Variants in PDK2 observed in about 807,000 individuals in gnomAD.
PDK2 encodes pyruvate dehydrogenase kinase 2, also known as pyruvate dehydrogenase kinase, isozyme 2.
A neutral mutation model predicts 50.4 loss-of-function variants in PDK2; 34 were observed. That is an observed-to-expected ratio of 0.68 (90% confidence interval 0.51 to 0.90). The LOEUF is 0.90. Ranked by LOEUF, PDK2 falls within the 40% of genes least tolerant of loss-of-function variation. The pLI is 0.00. For synonymous variants in PDK2, 232 were observed against 216.0 expected (o/e 1.07, Z -0.65); for missense variants, 377 against 544.5 (o/e 0.69, Z 3.06).
intron 4 of PDK2, 35 bp downstream of exon 4, chr17:50,106,104 TG>T (rs752067708): frequency 2.6e-5 from 41 of 1,555,372 alleles, no homozygotes; most frequent in East Asian, 1.7e-4. Context: ...GAGCGGGCGG[TG>T]GGGGGGGCGG....
rs1321523864 is a variant in PDK2 at position 50,095,392 on chromosome 17, C to T, written c.-44C>T. 3 of 1,430,978 alleles carry T rather than the reference C, an allele frequency of 2.1e-6. No homozygotes were observed. Among genetic ancestry groups the T allele is most frequent in the Non-Finnish European group, 2.9e-6 (3 of 1,029,288 alleles). The allele number at this position is 1,430,978 out of a possible 1,614,324, so 88.6% of individuals were successfully genotyped here. On this transcript the variant is annotated 5_prime_UTR_variant, in exon 1 of 11. Transcript: ENST00000503176. Reference sequence around the variant, plus strand: ...CGCTGGGCCGAAAGGTGCGCGAGCGCTGCCCGCGCGGGGACCACAACCAAA... The same window carrying T: ...CGCTGGGCCGAAAGGTGCGCGAGCGTTGCCCGCGCGGGGACCACAACCAAA...
At chr17:50,095,966 C>A in intron 1 of PDK2, 1 of 507,274 alleles carries the variant, frequency 2.0e-6, no homozygotes, top group Non-Finnish European at 2.6e-6. Flanking sequence ...AGTGAGGAGG[C>A]AGGGTTTAGA....
At chr17:50,102,328 A>G (rs9909693) in intron 2 of PDK2, among the ~76,000 whole-genome samples, 7,889 of 152,230 alleles carry the variant, frequency 0.052, 229 homozygotes, top group African/African-American at 0.086. Context: ...GCTCCACTTC[A>G]GTGGCCACGT....
At position 50,095,362 on chromosome 17, in the gene PDK2, C is replaced by T; in HGVS notation, c.-74C>T. On this transcript the variant is annotated 5_prime_UTR_variant, in exon 1 of 11. Coordinates refer to ENST00000503176, the MANE Select transcript of PDK2 (RefSeq NM_002611.5). The stretch of plus-strand genomic sequence containing the variant: ...AAGGGTAGGGAGGAGGCGGCCGAAC[C>T]GCGTCGCTGGGCCGAAAGGTGCGCG... The T allele has an allele frequency of 2.7e-6, 3 of 1,107,132 alleles. No individual in the cohort carries two copies. The highest frequency in any genetic ancestry group is 1.3e-6 in the Non-Finnish European group (1 of 762,130). The allele number at this position is 1,107,132 out of a possible 1,614,324, so 68.6% of individuals were successfully genotyped here.
In PDK2 at chr17:50,095,549, C is replaced by T. The variant is rs200906356; in HGVS notation, c.114C>T (p.Asp38=). ...CGCTGTCCATGAAGCAGTTTCTGGA[C>T]TTCGGTACGGAGTGGGCGGGAGGCG... ...PSPLSMKQFL[D]FGSSNACEKT... The change falls in exon 1 of 11, where the codon GAC becomes GAT. Residue 38 remains aspartate, a synonymous_variant. Coordinates refer to ENST00000503176, the MANE Select transcript of PDK2 (RefSeq NM_002611.5). 2.5e-6 allele frequency: 4 copies of T among 1,602,262 alleles called. No homozygotes were observed. Among genetic ancestry groups the T allele is most frequent in the East Asian group, 2.2e-5 (1 of 44,480 alleles).
Position 50,108,669 on chromosome 17 carries a change from A to G in PDK2, c.919A>G (p.Met307Val), listed in dbSNP as rs1567714626. 6.2e-7 allele frequency: 1 copy of G among 1,613,250 alleles called. No homozygotes were observed. Among genetic ancestry groups the G allele is most frequent in the Non-Finnish European group, 8.5e-7 (1 of 1,179,748 alleles). ...GAAGATTGAGCGACTCTTCAGCTACATGTACTCCACAGCACCCACCCCCCA... is the reference window on the plus strand; with the variant it reads ...GAAGATTGAGCGACTCTTCAGCTACGTGTACTCCACAGCACCCACCCCCCA... Reference protein sequence around the residue: ...LRKIERLFSYMYSTAPTPQPG... With the variant: ...LRKIERLFSYVYSTAPTPQPG... The change falls in exon 9 of 11, where the codon ATG becomes GTG. Residue 307 changes from methionine (M) to valine (V), a missense_variant. By Grantham distance (21) the Met-to-Val change is conservative (BLOSUM62 1). Coordinates refer to ENST00000503176, the MANE Select transcript of PDK2 (RefSeq NM_002611.5).
chr17:50,095,899 ACT>A, intron 1 of PDK2: 1 of 718,030 alleles, frequency 1.4e-6, no homozygotes, highest in Non-Finnish European at 1.8e-6. Context: ...TGTCCTCATG[ACT>A]GGAGGAGTAG....
In PDK2 at chr17:50,107,941, A is replaced by C. The variant is rs1051721483; in HGVS notation, c.686-215A>C. ...CCTGATTCAGTTCTAGCCTGGAGGA[A>C]GGGAACAAGGGTGTGGAAAGCAGGG... is the stretch of plus-strand genomic sequence containing the variant. On this transcript the variant is annotated intron_variant, in intron 6 of 10. Transcript: ENST00000503176. The C allele has an allele frequency of 7.0e-6, 4 of 575,066 alleles. No individual in the cohort carries two copies. The East Asian group carries it at 9.0e-5, about 13-fold the overall frequency. The allele number at this position is 575,066 out of a possible 1,614,324, so 35.6% of individuals were successfully genotyped here.
rs536102636 is a variant in PDK2, at chr17:50,096,538, C to T, written c.119-885C>T. ...GCAGCCGAGACATAAGGCACCTGTT[C>T]CTCAGGACTTGTCTGCCTGCACCCC... On this transcript the variant is annotated intron_variant, in intron 1 of 10. Transcript: ENST00000503176. Among the ~76,000 whole-genome samples the T allele has an allele frequency of 2.5e-3, 376 of 152,254 alleles. 1 individual carries two copies. The highest frequency in any genetic ancestry group is 3.4e-3 in the Non-Finnish European group (231 of 67,992).
At position 50,109,462 on chromosome 17, in the gene PDK2, C is replaced by T. The variant is rs980320677; in HGVS notation, c.1083+62C>T. ...GCTTTGCTGATAGGACCTGGGCAGCCTTGGCCAGCTGCGAGCTTTCCTTTC... is the reference window on the plus strand; with the variant it reads ...GCTTTGCTGATAGGACCTGGGCAGCTTTGGCCAGCTGCGAGCTTTCCTTTC... On this transcript the variant is annotated intron_variant, in intron 10 of 10. Transcript: ENST00000503176. The surrounding 1 kb of genome is among the most constrained non-coding windows in gnomAD (Gnocchi z 5.0). The T allele has an allele frequency of 4.7e-6, 5 of 1,058,532 alleles. No homozygotes were observed. In the African/African-American group the frequency reaches 8.0e-5, roughly 17 times the overall value. The allele number at this position is 1,058,532 out of a possible 1,614,324, so 65.6% of individuals were successfully genotyped here.
intron 9 of PDK2, 43 bp downstream of exon 9, chr17:50,108,762 G>A (rs761114285): frequency 1.8e-6 from 2 of 1,116,466 alleles, no homozygotes; most frequent in South Asian, 2.7e-5. Flanking sequence ...CCTGAGGGAG[G>A]CTTCTCTCCT....
chr17:50,107,304 G>A, intron 6 of PDK2, 151 bp downstream of exon 6: 1 of 655,742 alleles, frequency 1.5e-6, no homozygotes, highest in Admixed American at 2.4e-5. Flanking sequence ...ATTTGGGCTG[G>A]GCACAGTGGC....
chr17:50,106,995 T>C, intron 5 of PDK2, 81 bp from the exon 6 acceptor site: 1 of 1,471,754 alleles, frequency 6.8e-7, no homozygotes, highest in South Asian at 1.1e-5. Flanking sequence ...GATTTAATGC[T>C]GGTGGTCCCC....
intron 2 of PDK2, among the ~76,000 whole-genome samples, chr17:50,099,521 C>T (rs1024013967): frequency 1.8e-4 from 27 of 152,360 alleles, no homozygotes; most frequent in Admixed American, 1.6e-3. Context: ...AGGCCGGGCG[C>T]GGTGGCTCAC....
intron 1 of PDK2, 144 bp downstream of exon 1, chr17:50,095,697 A>C: frequency 9.8e-6 from 14 of 1,428,992 alleles, no homozygotes; most frequent in East Asian, 5.4e-5. Flanking sequence ...GAAAGAGTTA[A>C]TGGGGAAGCA....
chr17:50,095,445 G>A lies in PDK2; in HGVS notation c.10G>A (p.Val4Met). Residue 4 changes from valine (V) to methionine (M), a missense_variant, in exon 1 of 11, where the codon GTG becomes ATG. Transcript: ENST00000503176. Reference protein sequence around the residue: MRWVWALLKNASLA... With the variant: MRWMWALLKNASLA... ...CGCGGCCGCCGCAGCCATGCGCTGGGTGTGGGCGCTGCTGAAGAATGCGTC... is the reference window on the plus strand; with the variant it reads ...CGCGGCCGCCGCAGCCATGCGCTGGATGTGGGCGCTGCTGAAGAATGCGTC... 1 of 1,602,350 alleles carries A rather than the reference G, an allele frequency of 6.2e-7. No individual in the cohort carries two copies. Among genetic ancestry groups the A allele is most frequent in the South Asian group, 1.1e-5 (1 of 89,204 alleles).
rs1260664490 is a variant in PDK2, at chr17:50,107,168, C to T, written c.685+15C>T. ...GGAGATCAATGGTGAGTGAGCGGGG[C>T]TGTGTATGTGTCTGTCTTGGGGCTG... On this transcript the variant is annotated intron_variant, in intron 6 of 10. Coordinates refer to ENST00000503176, the MANE Select transcript of PDK2 (RefSeq NM_002611.5). The T allele has an allele frequency of 1.2e-6, 2 of 1,609,466 alleles. No homozygotes were observed. The highest frequency in any genetic ancestry group is 1.7e-5 in the Admixed American group (1 of 60,000).
intron 1 of PDK2, chr17:50,096,283 CTAGGTCAGGATCGCCCACTACCAGCA>C (rs1909938571): frequency 1.0e-6 from 1 of 985,360 alleles, no homozygotes; most frequent in Non-Finnish European, 1.2e-6. Flanking sequence ...CCCAGGGCTG[CTAGGTCAGGATCGCCCACTACCAGCA>C]ACCTGGGGGT....
intron 3 of PDK2, 106 bp downstream of exon 3, chr17:50,105,548 G>C (rs918330085): frequency 2.2e-6 from 2 of 925,280 alleles, no homozygotes; most frequent in Admixed American, 5.1e-5. Context: ...AAAGACCCCT[G>C]CCTTCAGAAA....
Sources: allele counts gnomAD v4.1 joint callset (sites outside exome capture counted in the v4.1 genomes callset), GRCh38; gene constraint gnomAD v4.1.1; non-coding constraint Gnocchi (gnomAD v3.1); transcripts MANE v1.5; gene names NCBI Gene and HGNC (gene_info 2026-07-23, HGNC 2026-07-21).